Variants in PKP4 observed in about 807,000 individuals in gnomAD.
The protein encoded by PKP4 is plakophilin-4.
Under a neutral mutation model 145.1 loss-of-function variants are expected in PKP4, and 90 were observed. The ratio of observed to expected loss-of-function variants is 0.62; its 90% confidence interval spans 0.52 to 0.74. PKP4 has a LOEUF of 0.74. PKP4 is among the 30% of genes least tolerant of loss of function. PKP4 has a pLI of 0.00. For synonymous variants in PKP4, 563 were observed against 577.2 expected (o/e 0.98, Z 0.35); for missense variants, 1,340 against 1,482.7 (o/e 0.90, Z 1.58).
At position 158,580,495 on chromosome 2, in the gene PKP4, A is replaced by G. The variant is rs554171702; in HGVS notation, c.245+3112A>G. Reference sequence around the variant, plus strand: ...TCTAGGATATGTCCTAAAAGGACCTACTGGCTTATGAAATTGGAAAGGTGA... The same window carrying G: ...TCTAGGATATGTCCTAAAAGGACCTGCTGGCTTATGAAATTGGAAAGGTGA... On this transcript the variant is annotated intron_variant, in intron 3 of 21. Transcript: ENST00000389759. 1.9e-4 allele frequency among the ~76,000 whole-genome samples: 29 copies of G among 152,342 alleles called. No individual in the cohort carries two copies. In the Middle Eastern group the frequency reaches 0.014, roughly 71 times the overall value.
Position 158,621,062 on chromosome 2 carries a change from C to G in PKP4, c.353C>G (p.Thr118Arg). ...CAGCCCAACAACTATCTCATCAGGA[C>G]AGAGCCAGAACAAGGAACCCTCTAT... ...AVQPNNYLIR[T>R]EPEQGTLYSP... is the part of the protein sequence containing the mutation. Residue 118 changes from threonine (T) to arginine (R), a missense_variant, in exon 5 of 22, where the codon ACA becomes AGA. Transcript: ENST00000389759. The G allele has an allele frequency of 1.2e-6, 2 of 1,614,124 alleles. No individual in the cohort carries two copies. Among genetic ancestry groups the G allele is most frequent in the East Asian group, 2.2e-5 (1 of 44,882 alleles).
intron 1 of PKP4, among the ~76,000 whole-genome samples, chr2:158,495,790 C>T (rs1353480150): frequency 6.6e-6 from 1 of 151,390 alleles, no homozygotes; most frequent in South Asian, 2.1e-4. Flanking sequence ...GCTGAGATTG[C>T]ACCTCTGCAC....
chr2:158,500,430 C>T (rs1458053938), intron 1 of PKP4, among the ~76,000 whole-genome samples: 1 of 152,188 alleles, frequency 6.6e-6, no homozygotes, highest in Non-Finnish European at 1.5e-5. Context: ...ATAACCCATC[C>T]TCATTAAACC....
chr2:158,661,479 G>T (rs765132841), intron 13 of PKP4, 29 bp downstream of exon 13: 1 of 1,386,892 alleles, frequency 7.2e-7, no homozygotes, highest in Non-Finnish European at 1.0e-6. Context: ...GCAGGAGGGC[G>T]TGGTGGCAGG....
rs570072290 is a variant in PKP4 at position 158,598,557 on chromosome 2, C to A, written c.246-4513C>A. On this transcript the variant is annotated intron_variant, in intron 3 of 21. Transcript: ENST00000389759. ...CTGAGGCGGGCGGATCACGAGGTCA[C>A]GAGATCGAGACCATCCTGGCTAACA... Among the ~76,000 whole-genome samples, 109 of 152,056 alleles carry A rather than the reference C, an allele frequency of 7.2e-4. 1 individual carries two copies. Among genetic ancestry groups the A allele is most frequent in the African/African-American group, 2.5e-3 (105 of 41,476 alleles).
At chr2:158,619,416 C>G (rs1210445841) in intron 4 of PKP4, among the ~76,000 whole-genome samples, 1 of 152,082 alleles carries the variant, frequency 6.6e-6, no homozygotes, top group African/African-American at 2.4e-5. Context: ...GGAGACAGGT[C>G]GGTAAAAACC....
At chr2:158,674,177 T>A (rs995466349) in intron 19 of PKP4, among the ~76,000 whole-genome samples, 177 bp downstream of exon 19, 1 of 152,236 alleles carries the variant, frequency 6.6e-6, no homozygotes, top group African/African-American at 2.4e-5. Context: ...ACTTTCTTCC[T>A]TTTTAAAAGT....
rs370534298 is a variant in PKP4 at position 158,501,739 on chromosome 2, A to T, written c.-5-31441A>T. Among the ~76,000 whole-genome samples, 226 of 151,232 alleles carry T rather than the reference A, an allele frequency of 1.5e-3. 1 individual carries two copies. Among genetic ancestry groups the T allele is most frequent in the African/African-American group, 5.0e-3 (208 of 41,478 alleles). ...ACAGATCTGTGAAAGGTGCATGATTATTATTTCAGTCTCTATTGTGTGCCT... is the reference window on the plus strand; with the variant it reads ...ACAGATCTGTGAAAGGTGCATGATTTTTATTTCAGTCTCTATTGTGTGCCT... On this transcript the variant is annotated intron_variant, in intron 1 of 21. Coordinates refer to ENST00000389759, the MANE Select transcript of PKP4 (RefSeq NM_003628.6).
intron 1 of PKP4, among the ~76,000 whole-genome samples, chr2:158,474,405 C>A (rs1396719673): frequency 1.3e-5 from 2 of 152,142 alleles, no homozygotes; most frequent in African/African-American, 2.4e-5. Flanking sequence ...GATTACTGAA[C>A]CCCTGCCCAC....
At chr2:158,516,245 G>A (rs2105546240) in intron 1 of PKP4, among the ~76,000 whole-genome samples, 1 of 151,984 alleles carries the variant, frequency 6.6e-6, no homozygotes, top group African/African-American at 2.4e-5. Flanking sequence ...TTTGGTCTGG[G>A]GCAGGCCTGA....
At chr2:158,647,522 C>A (rs752871299) in intron 11 of PKP4, among the ~76,000 whole-genome samples, 7 of 152,162 alleles carry the variant, frequency 4.6e-5, no homozygotes, top group African/African-American at 7.2e-5. Context: ...GCTTTAAACA[C>A]AATAACTGCC....
chr2:158,642,696 A>G lies in PKP4; in HGVS notation c.1906A>G (p.Thr636Ala). 6.3e-7 allele frequency: 1 copy of G among 1,595,376 alleles called. No individual in the cohort carries two copies. Among genetic ancestry groups the G allele is most frequent in the Non-Finnish European group, 8.6e-7 (1 of 1,168,148 alleles). Residue 636 changes from threonine to alanine, a missense_variant, in exon 11 of 22, where the codon ACA (threonine) becomes GCA (alanine). Coordinates refer to ENST00000389759, the MANE Select transcript of PKP4 (RefSeq NM_003628.6). The part of the protein sequence containing the change: ...SIDAEVRELV[T>A]GVLWNLSSCD... ...TGATGCAGAAGTAAGGGAGCTTGTT[A>G]CAGGTAGGTATAGAATGTGATCTCG...
chr2:158,458,499 T>C (rs1019879174), intron 1 of PKP4, among the ~76,000 whole-genome samples: 4 of 152,208 alleles, frequency 2.6e-5, no homozygotes, highest in Non-Finnish European at 5.9e-5. Flanking sequence ...TTGGCAAGTT[T>C]GGTGTGCAAG....
chr2:158,502,911 C>T (rs1696799221), intron 1 of PKP4, among the ~76,000 whole-genome samples: 2 of 152,166 alleles, frequency 1.3e-5, no homozygotes, highest in Admixed American at 6.5e-5. Flanking sequence ...GACACAAATC[C>T]TCGAGACTTT....
intron 19 of PKP4, among the ~76,000 whole-genome samples, chr2:158,675,852 A>C (rs941899108): frequency 6.6e-5 from 10 of 152,164 alleles, no homozygotes; most frequent in African/African-American, 1.9e-4. Context: ...ATTTATGCAA[A>C]ACCACTGGTG....
intron 1 of PKP4, among the ~76,000 whole-genome samples, chr2:158,492,522 G>T (rs1478755856): frequency 1.4e-5 from 2 of 145,756 alleles, no homozygotes; most frequent in Admixed American, 1.4e-4. Context: ...CCCCAACCCC[G>T]TTTCCCTTTG....
Position 158,669,711 on chromosome 2 carries a change from C to T in PKP4, c.2729-9C>T, listed in dbSNP as rs778458563. ...CTGGAAGTAGAATTTACTCTTTTGC[C>T]GTTGGCAGGCAAATACGCCATGCGA... On this transcript the variant is annotated splice_polypyrimidine_tract_variant and intron_variant, in intron 16 of 21. Transcript: ENST00000389759. 173 of 1,523,874 alleles carry T rather than the reference C, an allele frequency of 1.1e-4. No homozygotes were observed. Among genetic ancestry groups the T allele is most frequent in the African/African-American group, 6.9e-5 (5 of 72,528 alleles). The allele number at this position is 1,523,874 out of a possible 1,614,324, so 94.4% of individuals were successfully genotyped here.
rs750073207 is a variant in PKP4, at chr2:158,621,412, A to G, written c.594A>G (p.Thr198=). 3.1e-6 allele frequency: 5 copies of G among 1,613,788 alleles called. No homozygotes were observed. In the South Asian group the frequency reaches 3.3e-5, roughly 11 times the overall value. Residue 198 remains threonine, a synonymous_variant, in exon 6 of 22, where the codon ACA becomes ACG. Transcript: ENST00000389759. The stretch of plus-strand genomic sequence containing the variant: ...GGAATTCAAGAGCTGAAGGACAAAC[A>G]CTGGTTCAGGTAAGCCAAACGCATC... ...VVRNSRAEGQ[T]LVQPSVANRA...
intron 1 of PKP4, among the ~76,000 whole-genome samples, chr2:158,496,790 GTGTGTC>G (rs1553545780): frequency 6.7e-6 from 1 of 149,954 alleles, no homozygotes; most frequent in African/African-American, 2.4e-5. Context: ...GTGTGTGTGT[GTGTGTC>G]TGTGTGTCTC....
Sources: allele counts gnomAD v4.1 joint callset (sites outside exome capture counted in the v4.1 genomes callset), GRCh38; gene constraint gnomAD v4.1.1; transcripts MANE v1.5; gene names NCBI Gene and HGNC (gene_info 2026-07-23, HGNC 2026-07-21).